OPALIN: variants seen among roughly 807,000 people sequenced by gnomAD.
OPALIN encodes the protein oligodendrocytic myelin paranodal and inner loop protein, also known as transmembrane protein 10.
Under a neutral mutation model 17.8 loss-of-function variants are expected in OPALIN, and 15 were observed. That is an observed-to-expected ratio of 0.84 (90% CI 0.56 to 1.29). The LOEUF (loss-of-function observed/expected upper bound fraction) is 1.29, where lower values mean the gene tolerates loss of function less well. OPALIN is among the 50% of genes most tolerant of loss of function. The probability of loss-of-function intolerance (pLI) is 0.00; values close to 1 mark genes in which losing one functional copy is unlikely to be tolerated. For missense variants in OPALIN, 170 were observed against 176.0 expected (o/e 0.97, Z 0.19); for synonymous variants, 62 against 63.8 (o/e 0.97, Z 0.14).
rs61616596 is a variant in OPALIN, at chr10:96,358,186, TAAAAAAA to T, written c.3+701_3+707del. Among the ~76,000 whole-genome samples the T allele has an allele frequency of 3.7e-3, 229 of 61,584 alleles. 2 individuals carry two copies. The highest frequency in any genetic ancestry group is 0.024 in the Middle Eastern group (1 of 42). 40.4% of individuals were successfully genotyped at this position (61,584 alleles called of 152,430 possible). On this transcript the variant is annotated intron_variant, in intron 1 of 5. Coordinates refer to ENST00000371172, the MANE Select transcript of OPALIN (RefSeq NM_033207.5). ...CTACTCCTTTTAACAATGCTTTTTG[TAAAAAAA>T]AAAAAAAAAAAAAAAAAAAAAAATT...
Position 96,349,747 on chromosome 10 carries a change from G to C in OPALIN, c.152C>G (p.Thr51Ser). The change falls in exon 4 of 6, where the codon ACT becomes AGT. Residue 51 changes from threonine to serine, a missense_variant. Transcript: ENST00000371172. ...ATALLVALLF[T>S]LIHRRRSSIE... ...GCTGCTTCTTCTTCGGTGAATCAAAGTAAATAGTAAAGCCACCAGCAGGGC... is the reference window on the plus strand; with the variant it reads ...GCTGCTTCTTCTTCGGTGAATCAAACTAAATAGTAAAGCCACCAGCAGGGC... The C allele has an allele frequency of 1.2e-6, 2 of 1,614,018 alleles. No homozygotes were observed. Among genetic ancestry groups the C allele is most frequent in the Non-Finnish European group, 1.7e-6 (2 of 1,179,940 alleles).
At chr10:96,348,592 TTGGC>T (rs1845440935) in intron 4 of OPALIN, among the ~76,000 whole-genome samples, 1 of 152,166 alleles carries the variant, frequency 6.6e-6, no homozygotes, top group South Asian at 2.1e-4. Context: ...TGAAACAATA[TTGGC>T]CATGGGTTAA....
At position 96,343,272 on chromosome 10, in the gene OPALIN, C is replaced by A. The variant is rs1845166354; in HGVS notation, c.*2669G>T. The A allele has an allele frequency of 6.6e-6, 1 of 152,198 alleles. No individual in the cohort carries two copies. The highest frequency in any genetic ancestry group is 1.5e-5 in the Non-Finnish European group (1 of 68,026). 9.4% of individuals were successfully genotyped at this position (152,198 alleles called of 1,614,324 possible). The stretch of plus-strand genomic sequence containing the variant: ...TTTTCACTTCATTCCAACATAAGTT[C>A]TTGTGTATCATAGCAGAAGTAAATG... On this transcript the variant is annotated 3_prime_UTR_variant, in exon 6 of 6. Transcript: ENST00000371172.
At chr10:96,351,334 C>A in intron 3 of OPALIN, 44 bp downstream of exon 3, 1 of 1,142,862 alleles carries the variant, frequency 8.7e-7, no homozygotes, top group Non-Finnish European at 1.3e-6. Flanking sequence ...ATGGATGGAG[C>A]ATTATTATTA....
In OPALIN at chr10:96,345,030, C is replaced by T. The variant is rs1845253400; in HGVS notation, c.*911G>A. 1 of 152,174 alleles carries T rather than the reference C, an allele frequency of 6.6e-6. No homozygotes were observed. Among genetic ancestry groups the T allele is most frequent in the Admixed American group, 6.5e-5 (1 of 15,282 alleles). 9.4% of individuals were successfully genotyped at this position (152,174 alleles called of 1,614,324 possible). On this transcript the variant is annotated 3_prime_UTR_variant, in exon 6 of 6. Transcript: ENST00000371172. ...TGGAAGATTCACATACTACCAGCAA[C>T]ACCTAGAATCATCTTTAGATAACAA...
intron 2 of OPALIN, chr10:96,353,353 A>G (rs1845663079): frequency 6.3e-7 from 1 of 1,591,006 alleles, no homozygotes; most frequent in East Asian, 2.3e-5. Flanking sequence ...CCTCTGTCCC[A>G]CTTCCCAGGG....
chr10:96,346,061 G>C lies in OPALIN; in HGVS notation c.306C>G (p.His102Gln). 1 of 1,614,096 alleles carries C rather than the reference G, an allele frequency of 6.2e-7. No individual in the cohort carries two copies. Among genetic ancestry groups the C allele is most frequent in the Non-Finnish European group, 8.5e-7 (1 of 1,179,954 alleles). Residue 102 changes from histidine (H) to glutamine (Q), a missense_variant, in exon 6 of 6, where the codon CAC becomes CAG. By Grantham distance (24) the His-to-Gln change is conservative (BLOSUM62 0). Coordinates refer to ENST00000371172, the MANE Select transcript of OPALIN (RefSeq NM_033207.5). The part of the protein sequence containing the change: ...EKNTMGAQEA[H>Q]IYVKTVAGSE... ...TTCCTGCTACAGTCTTCACATATAT[G>C]TGGGCCTCTTGTGCTCCCATCGTAT...
chr10:96,352,528 G>A (rs1845628043), intron 2 of OPALIN, among the ~76,000 whole-genome samples: 1 of 151,948 alleles, frequency 6.6e-6, no homozygotes, highest in Admixed American at 6.6e-5. Context: ...GTTGTCCTTT[G>A]ACCTAATCAC....
At chr10:96,348,781 G>A (rs1364944262) in intron 4 of OPALIN, among the ~76,000 whole-genome samples, 1 of 152,142 alleles carries the variant, frequency 6.6e-6, no homozygotes, top group Non-Finnish European at 1.5e-5. Context: ...AAAGTGCACT[G>A]GAGGTTGAGA....
chr10:96,349,624 T>A (rs893340507), intron 4 of OPALIN, 83 bp downstream of exon 4: 1 of 1,471,048 alleles, frequency 6.8e-7, no homozygotes, highest in Non-Finnish European at 9.2e-7. Context: ...GGCCCTGAAT[T>A]CTGACACCCT....
In OPALIN at chr10:96,358,554, C is replaced by T. The variant is rs540526407; in HGVS notation, c.3+340G>A. 5.9e-5 allele frequency among the ~76,000 whole-genome samples: 9 copies of T among 152,260 alleles called. No individual in the cohort carries two copies. The South Asian group carries it at 1.9e-3, about 32-fold the overall frequency. On this transcript the variant is annotated intron_variant, in intron 1 of 5. Transcript: ENST00000371172. ...ATGGAAAATTTCTGATCAATGATGACCATCCATGTTGCTGATGATGGAACA... is the reference window on the plus strand; with the variant it reads ...ATGGAAAATTTCTGATCAATGATGATCATCCATGTTGCTGATGATGGAACA...
At chr10:96,349,611 A>C in intron 4 of OPALIN, 96 bp downstream of exon 4, 1 of 1,364,688 alleles carries the variant, frequency 7.3e-7, no homozygotes, top group Non-Finnish European at 1.0e-6. Context: ...GGAAATAGAC[A>C]TGGGCCCTGA....
At chr10:96,353,724 T>C (rs975438390) in intron 2 of OPALIN, among the ~76,000 whole-genome samples, 3 of 152,156 alleles carry the variant, frequency 2.0e-5, no homozygotes, top group African/African-American at 7.2e-5. Flanking sequence ...ACCTGGAGTG[T>C]CTATGGACCT....
chr10:96,351,220 C>G (rs1234476411), intron 3 of OPALIN, among the ~76,000 whole-genome samples, 158 bp downstream of exon 3: 1 of 152,178 alleles, frequency 6.6e-6, no homozygotes, highest in Admixed American at 6.5e-5. Context: ...TGCATGTTCT[C>G]CCTCACTTTT....
rs1845190144 is a variant in OPALIN, at chr10:96,343,709, A to G, written c.*2232T>C. ...GCTTGTTTAAGGTAATTAGATCCAG[A>G]GGACTTGGCACAAAACTGAGTTTCA... On this transcript the variant is annotated 3_prime_UTR_variant, in exon 6 of 6. Transcript: ENST00000371172. 6.6e-6 allele frequency: 1 copy of G among 152,238 alleles called. No homozygotes were observed. Among genetic ancestry groups the G allele is most frequent in the Non-Finnish European group, 1.5e-5 (1 of 68,062 alleles). The allele number at this position is 152,238 out of a possible 1,614,324, so 9.4% of individuals were successfully genotyped here. A position where few individuals can be genotyped will look rare whatever the true frequency, so the allele number is the denominator to read the frequency against.
At position 96,345,896 on chromosome 10, in the gene OPALIN, A is replaced by G; in HGVS notation, c.*45T>C. 6.3e-7 allele frequency: 1 copy of G among 1,590,372 alleles called. No homozygotes were observed. Among genetic ancestry groups the G allele is most frequent in the Non-Finnish European group, 8.6e-7 (1 of 1,166,994 alleles). On this transcript the variant is annotated 3_prime_UTR_variant, in exon 6 of 6. Transcript: ENST00000371172. ...TCCAAGTACAAAACCCTGGGTTTTC[A>G]ACCCTGTTCCAGTGCCAGGTCTGCT...
At chr10:96,349,537 T>C (rs1006378744) in intron 4 of OPALIN, among the ~76,000 whole-genome samples, 170 bp downstream of exon 4, 1 of 152,240 alleles carries the variant, frequency 6.6e-6, no homozygotes, top group East Asian at 1.9e-4. Context: ...CAGCTCTGTC[T>C]GGTGCCTAAT....
chr10:96,355,096 C>CAA lies in OPALIN; in HGVS notation c.39+157_39+158dup, dbSNP rs56995726. ...TGGGTGACAGAGCAAGACCTTGTCT[C>CAA]AAAAAAAAAAAAAAAAAAAAAAAAA... On this transcript the variant is annotated intron_variant, in intron 2 of 5. Coordinates refer to ENST00000371172, the MANE Select transcript of OPALIN (RefSeq NM_033207.5). Among the ~76,000 whole-genome samples, 19 of 45,208 alleles carry CAA rather than the reference C, an allele frequency of 4.2e-4. 3 individuals are homozygous for CAA. The highest frequency in any genetic ancestry group is 1.8e-3 in the African/African-American group (19 of 10,758). 29.7% of individuals were successfully genotyped at this position (45,208 alleles called of 152,430 possible). A position where few individuals can be genotyped will look rare whatever the true frequency, so the allele number is the denominator to read the frequency against.
chr10:96,346,554 A>G (rs1845337316), intron 5 of OPALIN, among the ~76,000 whole-genome samples: 1 of 152,122 alleles, frequency 6.6e-6, no homozygotes, highest in Non-Finnish European at 1.5e-5. Flanking sequence ...GTGATCATTG[A>G]TATGGTTGGG....
Sources: allele counts gnomAD v4.1 joint callset (sites outside exome capture counted in the v4.1 genomes callset), GRCh38; gene constraint gnomAD v4.1.1; transcripts MANE v1.5; gene names NCBI Gene and HGNC (gene_info 2026-07-23, HGNC 2026-07-21).